HPS4: variants seen among roughly 807,000 people sequenced by gnomAD.
HPS4 encodes HPS4 biogenesis of lysosomal organelles complex 3 subunit 2, also known as BLOC-3 complex member HPS4.
Under a neutral mutation model 70.3 loss-of-function variants are expected in HPS4, and 44 were observed. That is an observed-to-expected ratio of 0.63 (90% CI 0.49 to 0.80). The LOEUF (loss-of-function observed/expected upper bound fraction) is 0.80, where lower values mean the gene tolerates loss of function less well. HPS4 is among the 30% of genes least tolerant of loss of function. The probability of loss-of-function intolerance (pLI) is 0.00; values close to 1 mark genes in which losing one functional copy is unlikely to be tolerated. For synonymous variants in HPS4, 377 were observed against 355.9 expected (o/e 1.06, Z -0.67); for missense variants, 873 against 884.4 (o/e 0.99, Z 0.16).
chr22:26,470,949 T>A (rs1478456323), intron 6 of HPS4, 136 bp from the exon 7 acceptor site: 1 of 1,533,846 alleles, frequency 6.5e-7, no homozygotes, highest in Non-Finnish European at 8.8e-7. Context: ...TGTCACACAG[T>A]GAAAGCTGTG....
At position 26,465,470 on chromosome 22, in the gene HPS4, A is replaced by C; in HGVS notation, c.788T>G (p.Val263Gly). The C allele has an allele frequency of 6.2e-7, 1 of 1,612,598 alleles. No homozygotes were observed. The highest frequency in any genetic ancestry group is 8.5e-7 in the Non-Finnish European group (1 of 1,178,576). ...ACTCCATTACCTTGTCATCTGTTCC[A>C]CCGGGAACTCGTGGAGACTAATGGC... is the stretch of plus-strand genomic sequence containing the variant. ...EEAISLHEFP[V>G]EQMTRSLASP... Residue 263 changes from valine (V) to glycine (G), a missense_variant, in exon 10 of 14, where the codon GTG (valine) becomes GGG (glycine). Physicochemically the swap from Val to Gly is moderately radical, Grantham distance 109 (BLOSUM62 -3). Transcript: ENST00000398145.
At chr22:26,478,334 A>T (rs570853776) in intron 3 of HPS4, among the ~76,000 whole-genome samples, 1 of 152,150 alleles carries the variant, frequency 6.6e-6, no homozygotes, top group South Asian at 2.1e-4. Context: ...GCACTTTGGG[A>T]GGCTGAGGTG....
intron 6 of HPS4, 196 bp from the exon 7 acceptor site, chr22:26,471,009 A>T: frequency 9.0e-7 from 1 of 1,115,824 alleles, no homozygotes; most frequent in Non-Finnish European, 1.3e-6. Context: ...TGCTGACACC[A>T]CTAAATGCCA....
chr22:26,456,242 T>A (rs188242577), intron 13 of HPS4, among the ~76,000 whole-genome samples: 1 of 152,246 alleles, frequency 6.6e-6, no homozygotes, highest in East Asian at 1.9e-4. Context: ...AGGTCATACA[T>A]GTGCTTAACA....
chr22:26,451,994 GCGCGCGCGCGCACACACACACACA>G lies in HPS4; in HGVS notation c.*1215_*1238del, dbSNP rs759852277. 139 of 71,844 alleles carry G rather than the reference GCGCGCGCGCGCACACACACACACA, an allele frequency of 1.9e-3. No individual in the cohort carries two copies. The highest frequency in any genetic ancestry group is 0.017 in the Middle Eastern group (3 of 180). 4.5% of individuals were successfully genotyped at this position (71,844 alleles called of 1,614,324 possible). ...AGGGATGCGCCCACGTTACGCGCGC[GCGCGCGCGCGCACACACACACACA>G]CACACACACACACACACACACACAC... On this transcript the variant is annotated 3_prime_UTR_variant, in exon 14 of 14. Coordinates refer to ENST00000398145, the MANE Select transcript of HPS4 (RefSeq NM_022081.6).
intron 13 of HPS4, among the ~76,000 whole-genome samples, chr22:26,455,954 A>G (rs980611305): frequency 6.6e-6 from 1 of 152,164 alleles, no homozygotes; most frequent in Non-Finnish European, 1.5e-5. Context: ...CCCCCAACAC[A>G]GCCAGTTCCC....
At position 26,464,788 on chromosome 22, in the gene HPS4, G is replaced by T. The variant is rs1254828326; in HGVS notation, c.842C>A (p.Ala281Asp). The T allele has an allele frequency of 2.5e-6, 4 of 1,592,760 alleles. No homozygotes were observed. The highest frequency in any genetic ancestry group is 3.4e-6 in the Non-Finnish European group (4 of 1,171,230). ...ASPAGLQDGS[A>D]QHHPKGGSTS... ...GCTCCCACCCTTTGGATGGTGCTGG[G>T]CTGAACCATCCTGGAGTCCTGCTGG... Residue 281 changes from alanine to aspartate, a missense_variant, in exon 11 of 14, where the codon GCC (alanine) becomes GAC (aspartate). Transcript: ENST00000398145.
At chr22:26,467,422 G>A (rs2088865085) in intron 8 of HPS4, 1 of 152,178 alleles carries the variant, frequency 6.6e-6, no homozygotes, top group Non-Finnish European at 1.5e-5. Context: ...TTCAAGTTTT[G>A]TCTGATTTTT....
At chr22:26,465,174 A>G (rs753943341) in intron 10 of HPS4, among the ~76,000 whole-genome samples, 42 of 152,334 alleles carry the variant, frequency 2.8e-4, no homozygotes, top group Non-Finnish European at 5.4e-4. Flanking sequence ...TATTTTGTCT[A>G]CTTTTCAGAT....
chr22:26,474,919 T>C (rs2090313841), intron 4 of HPS4, among the ~76,000 whole-genome samples: 1 of 152,148 alleles, frequency 6.6e-6, no homozygotes, highest in Admixed American at 6.5e-5. Context: ...ATGAACAGAC[T>C]GTCAATCTCA....
In HPS4 at chr22:26,452,902, G is replaced by A; in HGVS notation, c.*331C>T. On this transcript the variant is annotated 3_prime_UTR_variant, in exon 14 of 14. Transcript: ENST00000398145. Reference sequence around the variant, plus strand: ...AAAAAATGCCAACTTGGAAGCTTGTGGCACCAATTCAAGCTGGGATGGAAC... The same window carrying A: ...AAAAAATGCCAACTTGGAAGCTTGTAGCACCAATTCAAGCTGGGATGGAAC... 1 of 335,630 alleles carries A rather than the reference G, an allele frequency of 3.0e-6. No homozygotes were observed. The highest frequency in any genetic ancestry group is 5.7e-6 in the Non-Finnish European group (1 of 176,828). The allele number at this position is 335,630 out of a possible 1,614,324, so 20.8% of individuals were successfully genotyped here.
At position 26,476,990 on chromosome 22, in the gene HPS4, T is replaced by C; in HGVS notation, c.276+3A>G. On this transcript the variant is annotated splice_donor_region_variant and intron_variant, in intron 4 of 13. Transcript: ENST00000398145. The stretch of plus-strand genomic sequence containing the variant: ...TCAGCACTGATTCTGCCATTCAACT[T>C]ACCCAAAGGTAATCTCCATCAACTT... 1 of 1,614,084 alleles carries C rather than the reference T, an allele frequency of 6.2e-7. No individual in the cohort carries two copies.
intron 7 of HPS4, among the ~76,000 whole-genome samples, chr22:26,469,182 T>C (rs753671644): frequency 1.3e-4 from 20 of 149,852 alleles, no homozygotes; most frequent in Middle Eastern, 3.5e-3. Context: ...CACAGTGGCT[T>C]ACTCCTGCAA....
At chr22:26,457,809 A>C in intron 13 of HPS4, 50 bp downstream of exon 13, 1 of 1,427,854 alleles carries the variant, frequency 7.0e-7, no homozygotes, top group South Asian at 1.1e-5. Context: ...GGTGGTTCCC[A>C]TGAGCAGGAC....
intron 11 of HPS4, among the ~76,000 whole-genome samples, chr22:26,462,288 G>A (rs2087458899): frequency 6.6e-6 from 1 of 152,204 alleles, no homozygotes; most frequent in South Asian, 2.1e-4. Flanking sequence ...CAGGGGATAT[G>A]GCCATAGAGC....
intron 12 of HPS4, 95 bp from the exon 13 acceptor site, chr22:26,458,062 G>T: frequency 1.9e-6 from 2 of 1,068,556 alleles, no homozygotes; most frequent in Non-Finnish European, 2.8e-6. Context: ...GACTGAGCAC[G>T]GCTCAAGGCC....
chr22:26,457,431 TG>T (rs2086351746), intron 13 of HPS4, among the ~76,000 whole-genome samples: 1 of 152,160 alleles, frequency 6.6e-6, no homozygotes, highest in Non-Finnish European at 1.5e-5. Context: ...TTGGCCAGGC[TG>T]GTCTTGAACC....
At position 26,457,210 on chromosome 22, in the gene HPS4, C is replaced by CCTTTTTTTTT. The variant is rs386395106; in HGVS notation, c.1955+648_1955+649insAAAAAAAAAG. ...ATGACTGTATGATCAGCACGTATTA[C>CCTTTTTTTTT]TTTTTTTTTTTTTTTTTTTTTTCTG... On this transcript the variant is annotated intron_variant, in intron 13 of 13. Coordinates refer to ENST00000398145, the MANE Select transcript of HPS4 (RefSeq NM_022081.6). 5.5e-4 allele frequency among the ~76,000 whole-genome samples: 14 copies of CCTTTTTTTTT among 25,554 alleles called. 7 individuals carry two copies. The highest frequency in any genetic ancestry group is 7.9e-4 in the Non-Finnish European group (6 of 7,608). The allele number at this position is 25,554 out of a possible 152,430, so 16.8% of individuals were successfully genotyped here.
downstream of HPS4, among the ~76,000 whole-genome samples, chr22:26,448,017 C>T (rs927615911): frequency 2.6e-5 from 4 of 152,312 alleles, no homozygotes; most frequent in Middle Eastern, 3.4e-3. Flanking sequence ...AGGCTCAGAG[C>T]GGGCAGCTGA....
Sources: allele counts gnomAD v4.1 joint callset (sites outside exome capture counted in the v4.1 genomes callset), GRCh38; gene constraint gnomAD v4.1.1; transcripts MANE v1.5; gene names NCBI Gene and HGNC (gene_info 2026-07-23, HGNC 2026-07-21).